Variants in WDR35 observed in about 807,000 individuals in gnomAD.
WDR35 encodes the protein WD repeat-containing protein 35.
WDR35 carries 118 observed loss-of-function variants against 158.3 expected under a neutral mutation model. The ratio of observed to expected loss-of-function variants is 0.75; its 90% CI spans 0.64 to 0.87. The LOEUF (loss-of-function observed/expected upper bound fraction) is 0.87, where lower values mean the gene tolerates loss of function less well. Ranked by LOEUF, WDR35 falls within the 40% of genes least tolerant of loss-of-function variation. The probability of loss-of-function intolerance (pLI) is 0.00; values close to 1 mark genes in which losing one functional copy is unlikely to be tolerated. For synonymous variants in WDR35, 448 were observed against 476.1 expected (o/e 0.94, Z 0.77); for missense variants, 1,263 against 1,405.8 (o/e 0.90, Z 1.62).
chr2:19,978,926 A>G, intron 4 of WDR35, 47 bp from the exon 5 acceptor site: 1 of 1,609,094 alleles, frequency 6.2e-7, no homozygotes, highest in Non-Finnish European at 8.5e-7. Context: ...TTTCACATCT[A>G]TTAAATAGTA....
chr2:19,941,310 T>C (rs533775700), intron 17 of WDR35, among the ~76,000 whole-genome samples: 3 of 152,146 alleles, frequency 2.0e-5, no homozygotes, highest in South Asian at 4.1e-4. Flanking sequence ...AATGGAAAGA[T>C]AGATCTCTAA....
rs1260507780 is a variant in WDR35 at position 19,935,495 on chromosome 2, A to G, written c.2523T>C (p.Leu841=). The G allele has an allele frequency of 1.9e-6, 3 of 1,612,992 alleles. No homozygotes were observed. Among genetic ancestry groups the G allele is most frequent in the Non-Finnish European group, 2.5e-6 (3 of 1,179,528 alleles). The change falls in exon 21 of 27, where the codon CTT becomes CTC. Residue 841 remains leucine (L), a synonymous_variant. Coordinates refer to ENST00000281405, the MANE Select transcript of WDR35 (RefSeq NM_020779.4). The part of the protein sequence containing the change: ...YEGLENLAIS[L]PENHKLLPEI... ...CTGGAAGTAACTTGTGGTTTTCTGG[A>G]AGTGAAATGGCAAGGTTCTCTAACC... is the stretch of plus-strand genomic sequence containing the variant.
intron 25 of WDR35, among the ~76,000 whole-genome samples, chr2:19,925,784 T>C (rs998775218): frequency 2.0e-5 from 3 of 152,120 alleles, no homozygotes; most frequent in Non-Finnish European, 4.4e-5. Context: ...ATATAATGCA[T>C]GAAATGGGGT....
chr2:19,930,248 T>G (rs1197274829), intron 25 of WDR35, 148 bp downstream of exon 25: 1 of 1,158,234 alleles, frequency 8.6e-7, no homozygotes, highest in Non-Finnish European at 1.2e-6. Context: ...ACTTCAAAAA[T>G]GGGAATGCAT....
At chr2:19,936,553 G>C (rs373269555) in intron 19 of WDR35, among the ~76,000 whole-genome samples, 188 bp from the exon 20 acceptor site, 1 of 152,202 alleles carries the variant, frequency 6.6e-6, no homozygotes, top group Admixed American at 6.5e-5. Flanking sequence ...GTTATGGTTT[G>C]AATGTGTGTC....
At chr2:19,949,106 C>A (rs1322816290) in intron 13 of WDR35, among the ~76,000 whole-genome samples, 3 of 152,140 alleles carry the variant, frequency 2.0e-5, no homozygotes, top group Non-Finnish European at 4.4e-5. Context: ...CATAAGATGA[C>A]ACCACTGAAG....
At chr2:19,969,748 ATTT>A (rs61079224) in intron 8 of WDR35, 143 bp from the exon 9 acceptor site, 604 of 617,418 alleles carry the variant, frequency 9.8e-4, no homozygotes, top group East Asian at 1.3e-3. Context: ...TGTTTCTTGA[ATTT>A]TTTTTTTTTT....
intron 26 of WDR35, 81 bp downstream of exon 26, chr2:19,913,956 T>A: frequency 8.8e-6 from 14 of 1,593,294 alleles, no homozygotes; most frequent in Non-Finnish European, 1.2e-5. Context: ...AGTGCTTTAA[T>A]TCCTACATTA....
At chr2:19,931,182 CTAT>C in intron 24 of WDR35, 84 bp downstream of exon 24, 1 of 1,442,602 alleles carries the variant, frequency 6.9e-7, no homozygotes, top group Non-Finnish European at 9.4e-7. Context: ...ATTAAATGAC[CTAT>C]CCATAAAAGA....
At position 19,973,680 on chromosome 2, in the gene WDR35, G is replaced by A. The variant is rs117255034; in HGVS notation, c.765C>T (p.Tyr255=). ...TGTGGTTCCACTGGATGCCTACTACGTACATGCCAGTGTCAATCAAAACGG... is the reference window on the plus strand; with the variant it reads ...TGTGGTTCCACTGGATGCCTACTACATACATGCCAGTGTCAATCAAAACGG... ...QNPVLIDTGM[Y]VVGIQWNHMG... is the part of the protein sequence containing the mutation. Residue 255 remains tyrosine, a synonymous_variant, in exon 8 of 27, where the codon TAC becomes TAT. Coordinates refer to ENST00000281405, the MANE Select transcript of WDR35 (RefSeq NM_020779.4). 9.7e-4 allele frequency: 1,560 copies of A among 1,614,108 alleles called. 13 individuals are homozygous for A. In the South Asian group the frequency reaches 0.013, roughly 13 times the overall value.
Position 19,911,777 on chromosome 2 carries a change from G to C in WDR35, c.*1781C>G, listed in dbSNP as rs1377781792. 1 of 152,200 alleles carries C rather than the reference G, an allele frequency of 6.6e-6. No homozygotes were observed. The highest frequency in any genetic ancestry group is 1.5e-5 in the Non-Finnish European group (1 of 68,038). 9.4% of individuals were successfully genotyped at this position (152,200 alleles called of 1,614,324 possible). The stretch of plus-strand genomic sequence containing the variant: ...ATACCAAATATTCATGATACACTAA[G>C]TATGCATGAGACATATAAAGCCTTC... On this transcript the variant is annotated 3_prime_UTR_variant, in exon 27 of 27. Transcript: ENST00000281405.
At chr2:19,949,234 G>A (rs1671156730) in intron 13 of WDR35, among the ~76,000 whole-genome samples, 1 of 152,338 alleles carries the variant, frequency 6.6e-6, no homozygotes, top group Admixed American at 6.5e-5. Flanking sequence ...GAAATTTCAA[G>A]TTGTTTGCCA....
chr2:19,972,009 T>TTGACTACAACTTGATCAACTTGACTACAA (rs1432480954), intron 8 of WDR35, among the ~76,000 whole-genome samples: 10 of 152,214 alleles, frequency 6.6e-5, no homozygotes. Context: ...ATGAATTCAA[T>TTGACTACAACTTGATCAACTTGACTACAA]ACCAGATCAA....
chr2:19,966,611 C>G (rs1671861390), intron 10 of WDR35, 113 bp downstream of exon 10: 1 of 1,257,658 alleles, frequency 8.0e-7, no homozygotes, highest in Non-Finnish European at 1.1e-6. Context: ...ATAGTGCCAA[C>G]AGACCCAATG....
In WDR35 at chr2:19,938,399, A is replaced by G; in HGVS notation, c.1929T>C (p.Asp643=). 2 of 1,613,868 alleles carry G rather than the reference A, an allele frequency of 1.2e-6. No individual in the cohort carries two copies. The highest frequency in any genetic ancestry group is 1.3e-5 in the African/African-American group (1 of 75,020). The change falls in exon 18 of 27, where the codon GAT becomes GAC. Residue 643 remains aspartate (D), a splice_region_variant and synonymous_variant. Transcript: ENST00000281405. ...KSVLLDEILK[D]PEHPNKDYLI... ...GGTAATCCTTGTTTGGATGTTCTGG[A>G]TCCTAAAAGTAAAGATGAAAACAAA... is the stretch of plus-strand genomic sequence containing the variant.
intron 8 of WDR35, among the ~76,000 whole-genome samples, chr2:19,972,009 T>C (rs1256531838): frequency 6.6e-6 from 1 of 152,214 alleles, no homozygotes; most frequent in Non-Finnish European, 1.5e-5. Context: ...ATGAATTCAA[T>C]ACCAGATCAA....
chr2:19,965,178 C>T (rs543674976), intron 10 of WDR35, among the ~76,000 whole-genome samples: 42 of 152,310 alleles, frequency 2.8e-4, no homozygotes, highest in Non-Finnish European at 4.7e-4. Flanking sequence ...CCGCCTTGGT[C>T]TCTCAAAGTG....
chr2:19,944,736 A>T (rs1306580842), intron 16 of WDR35, among the ~76,000 whole-genome samples: 2 of 152,120 alleles, frequency 1.3e-5, no homozygotes. Flanking sequence ...CTTTGAGAGC[A>T]CTTTACATCA....
chr2:19,969,807 G>T (rs939190783), intron 8 of WDR35, among the ~76,000 whole-genome samples: 2 of 151,212 alleles, frequency 1.3e-5, no homozygotes, highest in African/African-American at 4.9e-5. Flanking sequence ...GAGTGCAGTG[G>T]CGTGATCTCG....
Sources: allele counts gnomAD v4.1 joint callset (sites outside exome capture counted in the v4.1 genomes callset), GRCh38; gene constraint gnomAD v4.1.1; transcripts MANE v1.5; gene names NCBI Gene and HGNC (gene_info 2026-07-23, HGNC 2026-07-21).